The following SQSTM1 variants were observed in gnomAD, a reference collection of about 807,000 sequenced individuals.
SQSTM1 encodes sequestosome-1.
A neutral mutation model predicts 45.1 loss-of-function variants in SQSTM1; 36 were observed. That is an observed-to-expected ratio of 0.80 (90% CI 0.61 to 1.05). SQSTM1 has a LOEUF of 1.05. Ranked by LOEUF, SQSTM1 falls within the 50% of genes least tolerant of loss-of-function variation. SQSTM1 has a pLI of 0.00. For missense variants in SQSTM1, 617 were observed against 607.1 expected, an observed-to-expected ratio of 1.02 and a Z score of -0.17; for synonymous variants, 290 against 244.3, an observed-to-expected ratio of 1.19 and a Z score of -1.74.
At chr5:179,834,640 A>G (rs1331303705) in intron 7 of SQSTM1, among the ~76,000 whole-genome samples, 1 of 151,954 alleles carries the variant, frequency 6.6e-6, no homozygotes, top group Non-Finnish European at 1.5e-5. Context: ...GCCTTCAAGC[A>G]TCTGTTTAAC....
rs544367953 is a variant in SQSTM1, at chr5:179,831,533, G to A, written c.755-1499G>A. On this transcript the variant is annotated intron_variant, in intron 5 of 7. Coordinates refer to ENST00000389805, the MANE Select transcript of SQSTM1 (RefSeq NM_003900.5). ...AAAAATTAGCTGGGCGTGGTGGCACGTGCCTATAGTCCCAGCTACTCGGGA... is the reference window on the plus strand; with the variant it reads ...AAAAATTAGCTGGGCGTGGTGGCACATGCCTATAGTCCCAGCTACTCGGGA... 3.9e-5 allele frequency among the ~76,000 whole-genome samples: 6 copies of A among 152,132 alleles called. No homozygotes were observed. In the East Asian group the frequency reaches 5.9e-4, roughly 15 times the overall value.
chr5:179,833,200 C>A lies in SQSTM1; in HGVS notation c.923C>A (p.Ala308Glu), dbSNP rs541356917. ...GNVEGATQSL[A>E]EQMRKIALES... ...GTTGAGGGCGCCACGCAGTCTCTGG[C>A]GGAGCAGATGAGGAAGATCGCCTTG... The change falls in exon 6 of 8, where the codon GCG (alanine) becomes GAG (glutamate). Residue 308 changes from alanine (A) to glutamate (E), a missense_variant. Ala to Glu is a moderately radical substitution (Grantham distance 107, BLOSUM62 -1). Transcript: ENST00000389805. 1 of 1,612,282 alleles carries A rather than the reference C, an allele frequency of 6.2e-7. No homozygotes were observed. The highest frequency in any genetic ancestry group is 1.7e-5 in the Admixed American group (1 of 59,778).
rs887250799 is a variant in SQSTM1, at chr5:179,833,221, C to T, written c.944C>T (p.Ala315Val). Reference protein sequence around the residue: ...QSLAEQMRKIALESEGRPEEQ... With the variant: ...QSLAEQMRKIVLESEGRPEEQ... ...CTGGCGGAGCAGATGAGGAAGATCG[C>T]CTTGGAGTCCGAGGGGCGCCCTGAG... The change falls in exon 6 of 8, where the codon GCC (alanine) becomes GTC (valine). Residue 315 changes from alanine to valine, a missense_variant. By Grantham distance (64) the Ala-to-Val change is moderately conservative. Coordinates refer to ENST00000389805, the MANE Select transcript of SQSTM1 (RefSeq NM_003900.5). The T allele has an allele frequency of 1.9e-6, 3 of 1,601,378 alleles. No homozygotes were observed. Among genetic ancestry groups the T allele is most frequent in the African/African-American group, 2.7e-5 (2 of 74,706 alleles).
intron 7 of SQSTM1, among the ~76,000 whole-genome samples, chr5:179,834,116 A>G (rs1758380252): frequency 7.2e-6 from 1 of 139,272 alleles, no homozygotes; most frequent in African/African-American, 2.6e-5. Flanking sequence ...TGTCCCTACT[A>G]CTCACACTCA....
At chr5:179,817,418 G>C (rs1391661711), upstream of SQSTM1, among the ~76,000 whole-genome samples, 5 of 152,166 alleles carry the variant, frequency 3.3e-5, no homozygotes, top group Admixed American at 2.6e-4. Context: ...CGACCCCTCA[G>C]TGCCCCTGAG....
upstream of SQSTM1, among the ~76,000 whole-genome samples, chr5:179,818,288 C>T (rs113892507): frequency 4.6e-5 from 7 of 152,100 alleles, no homozygotes; most frequent in African/African-American, 1.2e-4. Context: ...TGGAGGCCCC[C>T]GCACAGACCA....
At chr5:179,811,381 AGGGGGAGGAGCTATGCAG>A in intron 1 of SQSTM1, among the ~76,000 whole-genome samples, 1 of 10,174 alleles carries the variant, frequency 9.8e-5, no homozygotes, top group South Asian at 5.8e-3. Flanking sequence ...AGGAGCATGC[AGGGGGAGGAGCTATGCAG>A]GGGGAGGAGC....
At chr5:179,835,108 C>T (rs173561) in intron 7 of SQSTM1, 116,809 of 204,780 alleles carry the variant, frequency 0.57, 33,841 homozygotes, top group East Asian at 0.78. Flanking sequence ...CAGGCAGAGG[C>T]GCTCCTCACA....
In SQSTM1 at chr5:179,807,000, C is replaced by T. The variant is rs1003063387; in HGVS notation, c.-157+409C>T. The stretch of plus-strand genomic sequence containing the variant: ...GAGTCGACGGCGCAGGGCGGGGCGG[C>T]CCGGATTTAAAGGGGCCGCAGCACC... On this transcript the variant is annotated intron_variant, in intron 1 of 5. Transcript: ENST00000514093. The surrounding 1 kb of genome is among the most constrained non-coding windows in gnomAD (Gnocchi z 4.6). 3 of 151,292 alleles carry T rather than the reference C, an allele frequency of 2.0e-5. No individual in the cohort carries two copies. Among genetic ancestry groups the T allele is most frequent in the African/African-American group, 4.8e-5 (2 of 41,408 alleles). 9.4% of individuals were successfully genotyped at this position (151,292 alleles called of 1,614,324 possible). A position where few individuals can be genotyped will look rare whatever the true frequency, so the allele number is the denominator to read the frequency against.
chr5:179,837,346 CCCT>C lies in SQSTM1; in HGVS notation c.*757_*759del. 2 of 1,583,442 alleles carry C rather than the reference CCCT, an allele frequency of 1.3e-6. No homozygotes were observed. The highest frequency in any genetic ancestry group is 1.7e-6 in the Non-Finnish European group (2 of 1,164,546). ...TAAAAGTGCCTTAGGGGAACCCTGT[CCCT>C]CCTAACAAGTGTATCTCGATTAATA... On this transcript the variant is annotated 3_prime_UTR_variant, in exon 8 of 8. Transcript: ENST00000389805.
In SQSTM1 at chr5:179,828,653, C is replaced by T. The variant is rs563447232; in HGVS notation, c.754+3427C>T. On this transcript the variant is annotated intron_variant, in intron 5 of 7. Transcript: ENST00000389805. ...CCTCCCAAAATGCTGGGATTACAGG[C>T]GTGAGCCACTGTACCCGGCAGCTTC... is the stretch of plus-strand genomic sequence containing the variant. Among the ~76,000 whole-genome samples the T allele has an allele frequency of 9.8e-4, 149 of 152,236 alleles. 1 individual carries two copies. Among genetic ancestry groups the T allele is most frequent in the Non-Finnish European group, 1.8e-3 (124 of 68,018 alleles).
intron 1 of SQSTM1, 82 bp from the exon 2 acceptor site, chr5:179,822,876 A>G (rs1382569964): frequency 3.3e-6 from 4 of 1,201,648 alleles, no homozygotes; most frequent in Non-Finnish European, 4.9e-6. Flanking sequence ...TGTCCCTTTC[A>G]TACTTGCCTC....
chr5:179,835,426 G>T (rs899337297), intron 7 of SQSTM1: 4 of 155,956 alleles, frequency 2.6e-5, no homozygotes, highest in African/African-American at 9.6e-5. Context: ...GACTCCGTCT[G>T]CAATCCCGGC....
In SQSTM1 at chr5:179,821,104, C is replaced by T; in HGVS notation, c.168C>T (p.Pro56=). ...TGAGCCGGGTGGCCGCCCTGTTCCC[C>T]GCGCTGCGGCCTGGCGGCTTCCAGG... ...RLLSRVAALF[P]ALRPGGFQAH... The change falls in exon 1 of 8, where the codon CCC becomes CCT. Residue 56 remains proline (P), a synonymous_variant. Coordinates refer to ENST00000389805, the MANE Select transcript of SQSTM1 (RefSeq NM_003900.5). 7.1e-7 allele frequency: 1 copy of T among 1,412,604 alleles called. No individual in the cohort carries two copies. The highest frequency in any genetic ancestry group is 1.5e-5 in the South Asian group (1 of 67,938). 87.5% of individuals were successfully genotyped at this position (1,412,604 alleles called of 1,614,324 possible).
rs559679314 is a variant in SQSTM1, at chr5:179,837,366, C to T, written c.*773C>T. On this transcript the variant is annotated 3_prime_UTR_variant, in exon 8 of 8. Coordinates refer to ENST00000389805, the MANE Select transcript of SQSTM1 (RefSeq NM_003900.5). ...CCTGTCCCTCCTAACAAGTGTATCT[C>T]GATTAATAACCTGCCAGTCCCAGAT... 3.3e-5 allele frequency: 52 copies of T among 1,580,918 alleles called. No homozygotes were observed. The East Asian group carries it at 6.1e-4, about 18-fold the overall frequency.
At chr5:179,828,365 TTATC>T (rs1182654403) in intron 5 of SQSTM1, among the ~76,000 whole-genome samples, 63 of 146,128 alleles carry the variant, frequency 4.3e-4, no homozygotes, top group African/African-American at 1.5e-3. Context: ...TTTTTTTTTC[TTATC>T]TTTTTTTTTT....
intron 7 of SQSTM1, 55 bp from the exon 8 acceptor site, chr5:179,836,381 G>A (rs531862762): frequency 1.7e-5 from 28 of 1,612,986 alleles, no homozygotes; most frequent in African/African-American, 1.2e-4. Flanking sequence ...TATGTGTTTC[G>A]GGTCACTCAC....
Position 179,836,699 on chromosome 5 carries a change from CAGGATCA to C in SQSTM1, c.*107_*113del. On this transcript the variant is annotated 3_prime_UTR_variant, in exon 8 of 8. Coordinates refer to ENST00000389805, the MANE Select transcript of SQSTM1 (RefSeq NM_003900.5). ...ACGGGCCAGTTTCTCTGCCTTCTTCCAGGATCAGGGGTTAGGGTGCAAGAAGCCATTT... is the reference window on the plus strand; with the variant it reads ...ACGGGCCAGTTTCTCTGCCTTCTTCCGGGGTTAGGGTGCAAGAAGCCATTT... The C allele has an allele frequency of 1.9e-6, 3 of 1,558,902 alleles. No individual in the cohort carries two copies. The highest frequency in any genetic ancestry group is 2.7e-6 in the Non-Finnish European group (3 of 1,131,640).
chr5:179,831,270 A>T (rs562721874), intron 5 of SQSTM1, among the ~76,000 whole-genome samples: 1 of 152,228 alleles, frequency 6.6e-6, no homozygotes, highest in African/African-American at 2.4e-5. Flanking sequence ...GGCACTCTCT[A>T]TGGAAAACAC....
Sources: gnomAD v4.1 joint callset for allele counts (sites outside exome capture counted in the v4.1 genomes callset) on GRCh38, gnomAD v4.1.1 for gene constraint, Gnocchi (gnomAD v3.1) non-coding constraint, MANE v1.5 for transcripts, NCBI Gene and HGNC (gene_info 2026-07-23, HGNC 2026-07-21) for gene names.